Variants in MACROD2 observed in about 807,000 individuals in gnomAD.
MACROD2 encodes the protein ADP-ribose glycohydrolase MACROD2.
MACROD2 carries 36 observed loss-of-function variants against 70.4 expected under a neutral mutation model. The observed-to-expected ratio is 0.51, with a 90% CI of 0.39 to 0.68. The LOEUF (loss-of-function observed/expected upper bound fraction) is 0.68. Ranked by LOEUF, MACROD2 falls within the 30% of genes least tolerant of loss-of-function variation. The pLI, the probability that MACROD2 is intolerant of heterozygous loss-of-function variation, is 0.00. For synonymous variants in MACROD2, 172 were observed against 178.8 expected, an observed-to-expected ratio of 0.96 and a Z score of 0.30; for missense variants, 496 against 538.4, an observed-to-expected ratio of 0.92 and a Z score of 0.78.
intron 15 of MACROD2, among the ~76,000 whole-genome samples, chr20:16,020,264 G>T (rs935950458): frequency 1.3e-5 from 2 of 152,028 alleles, no homozygotes; most frequent in South Asian, 2.1e-4. Flanking sequence ...TCTTTACCCA[G>T]CCCTGTGCCT....
intron 5 of MACROD2, among the ~76,000 whole-genome samples, chr20:14,806,986 C>T (rs2072647123): frequency 6.6e-6 from 1 of 152,128 alleles, no homozygotes; most frequent in African/African-American, 2.4e-5. Context: ...GACAGAGCAC[C>T]TGGGAGAAGG....
At chr20:16,032,889 G>C (rs928178568) in intron 15 of MACROD2, among the ~76,000 whole-genome samples, 1 of 148,940 alleles carries the variant, frequency 6.7e-6, no homozygotes, top group African/African-American at 2.5e-5. Flanking sequence ...GGAGAGGAGG[G>C]GAAGACTCTG....
At chr20:15,369,889 A>G (rs2045468353) in intron 6 of MACROD2, among the ~76,000 whole-genome samples, 1 of 152,168 alleles carries the variant, frequency 6.6e-6, no homozygotes, top group Non-Finnish European at 1.5e-5. Context: ...AAAGATTGTG[A>G]AGCAAAATGT....
At chr20:15,400,394 C>T (rs2045913755) in intron 6 of MACROD2, among the ~76,000 whole-genome samples, 1 of 152,148 alleles carries the variant, frequency 6.6e-6, no homozygotes, top group African/African-American at 2.4e-5. Flanking sequence ...CTGCCTGACC[C>T]TCCTGGAAGT....
chr20:14,077,992 T>TC (rs1156856481), intron 2 of MACROD2, among the ~76,000 whole-genome samples: 2 of 150,774 alleles, frequency 1.3e-5, no homozygotes, highest in Non-Finnish European at 2.9e-5. Context: ...AACCTCTGCC[T>TC]CCTGGGTTCA....
intron 9 of MACROD2, among the ~76,000 whole-genome samples, chr20:15,868,614 T>TC (rs2064527860): frequency 6.6e-6 from 1 of 151,326 alleles, no homozygotes; most frequent in South Asian, 2.1e-4. Context: ...TTTTTTTTTT[T>TC]TTTTCATTAG....
intron 5 of MACROD2, among the ~76,000 whole-genome samples, chr20:15,226,455 A>G (rs62205162): frequency 6.8e-4 from 103 of 152,214 alleles, no homozygotes; most frequent in Non-Finnish European, 1.4e-3. Context: ...ACCCATGTGC[A>G]AGATAAAGCA....
At chr20:15,282,940 A>G (rs1011850784) in intron 6 of MACROD2, among the ~76,000 whole-genome samples, 1 of 152,182 alleles carries the variant, frequency 6.6e-6, no homozygotes, top group African/African-American at 2.4e-5. Flanking sequence ...ACAGTTCTGC[A>G]TTGTTGGGAG....
At chr20:15,678,013 C>T (rs1568969269) in intron 8 of MACROD2, among the ~76,000 whole-genome samples, 1 of 151,276 alleles carries the variant, frequency 6.6e-6, no homozygotes, top group Non-Finnish European at 1.5e-5. Flanking sequence ...TGCAGTGAGC[C>T]AAGATCACGC....
chr20:14,529,170 T>C (rs1180408130), intron 4 of MACROD2, among the ~76,000 whole-genome samples: 4 of 152,176 alleles, frequency 2.6e-5, no homozygotes, highest in Non-Finnish European at 5.9e-5. Context: ...TTTTGCACAC[T>C]GAAAAAGCCA....
At chr20:15,704,870 A>C (rs2050510846) in intron 8 of MACROD2, among the ~76,000 whole-genome samples, 1 of 152,148 alleles carries the variant, frequency 6.6e-6, no homozygotes, top group African/African-American at 2.4e-5. Flanking sequence ...GGTACTGCCC[A>C]TTATCTTTAT....
At chr20:15,169,311 G>T (rs1028814574) in intron 5 of MACROD2, among the ~76,000 whole-genome samples, 1 of 152,138 alleles carries the variant, frequency 6.6e-6, no homozygotes, top group Non-Finnish European at 1.5e-5. Flanking sequence ...CAGATGGAGG[G>T]GAAGAGGAGT....
intron 3 of MACROD2, among the ~76,000 whole-genome samples, chr20:14,117,908 A>G (rs1382276644): frequency 4.6e-5 from 7 of 152,130 alleles, no homozygotes; most frequent in Non-Finnish European, 1.0e-4. Context: ...CTGGGGCTAT[A>G]AATTTGATGG....
In MACROD2 at chr20:14,037,300, G is replaced by A. The variant is rs181781173; in HGVS notation, c.163+34896G>A. On this transcript the variant is annotated intron_variant, in intron 2 of 17. Coordinates refer to ENST00000684519, the MANE Select transcript of MACROD2 (RefSeq NM_001351661.2). Reference sequence around the variant, plus strand: ...TTGGCCAAAATACATGTAATAATGGGAATTTAATGCATTATAGGTTTCTAT... The same window carrying A: ...TTGGCCAAAATACATGTAATAATGGAAATTTAATGCATTATAGGTTTCTAT... Among the ~76,000 whole-genome samples the A allele has an allele frequency of 2.4e-3, 363 of 152,170 alleles. 1 individual carries two copies. Among genetic ancestry groups the A allele is most frequent in the Non-Finnish European group, 4.6e-3 (312 of 67,998 alleles).
intron 8 of MACROD2, among the ~76,000 whole-genome samples, chr20:15,513,701 G>C (rs1219628986): frequency 6.6e-6 from 1 of 152,114 alleles, no homozygotes; most frequent in East Asian, 1.9e-4. Flanking sequence ...AAATAATGTG[G>C]CATCTTGCTT....
chr20:15,342,052 C>A (rs1164872452), intron 6 of MACROD2, among the ~76,000 whole-genome samples: 2 of 151,678 alleles, frequency 1.3e-5, no homozygotes, highest in Non-Finnish European at 2.9e-5. Flanking sequence ...AGACCCTGCC[C>A]CTGAAAAAAA....
At chr20:15,522,411 A>C (rs1288637688) in intron 8 of MACROD2, among the ~76,000 whole-genome samples, 3 of 152,250 alleles carry the variant, frequency 2.0e-5, no homozygotes, top group Admixed American at 1.3e-4. Context: ...CTGATACTAA[A>C]TCACACCAAA....
At chr20:15,142,608 C>T (rs2076200360) in intron 5 of MACROD2, among the ~76,000 whole-genome samples, 1 of 151,930 alleles carries the variant, frequency 6.6e-6, no homozygotes, top group South Asian at 2.1e-4. Context: ...GTGTGCTGCA[C>T]CCATTAACTC....
At chr20:14,812,474 A>G (rs2072726895) in intron 5 of MACROD2, among the ~76,000 whole-genome samples, 2 of 152,120 alleles carry the variant, frequency 1.3e-5, no homozygotes, top group East Asian at 3.9e-4. Context: ...AATGTAGGTG[A>G]CGGGATGCTA....
Sources: allele counts gnomAD v4.1 joint callset (sites outside exome capture counted in the v4.1 genomes callset), GRCh38; gene constraint gnomAD v4.1.1; transcripts MANE v1.5; gene names NCBI Gene and HGNC (gene_info 2026-07-23, HGNC 2026-07-21).